TCF4: variants seen among roughly 807,000 people sequenced by gnomAD.
The protein encoded by TCF4 is transcription factor 4.
TCF4 carries 3 observed loss-of-function variants against 82.1 expected under a neutral mutation model. The observed-to-expected ratio is 0.04, with a 90% CI of 0.02 to 0.09. The LOEUF is 0.09. Among genes scored for constraint, TCF4 ranks in the 10% least tolerant of loss-of-function variants. TCF4 has a pLI of 1.00. For synonymous variants in TCF4, 276 were observed against 309.6 expected (o/e 0.89, Z 1.14); for missense variants, 518 against 852.7 (o/e 0.61, Z 4.89).
intron 8 of TCF4, among the ~76,000 whole-genome samples, chr18:55,330,997 G>T (rs950706704): frequency 1.3e-5 from 2 of 152,150 alleles, no homozygotes; most frequent in Non-Finnish European, 2.9e-5. Flanking sequence ...CCTAACTTCT[G>T]TGTTTATGTT....
intron 6 of TCF4, among the ~76,000 whole-genome samples, chr18:55,367,530 G>A (rs184024893): frequency 1.3e-5 from 2 of 152,206 alleles, no homozygotes; most frequent in East Asian, 3.8e-4. Context: ...GAGTGCCTAT[G>A]ATGTCTTTAG....
At chr18:55,593,479 T>C (rs188069128), upstream of TCF4, among the ~76,000 whole-genome samples, 1,018 of 152,154 alleles carry the variant, frequency 6.7e-3, 5 homozygotes, top group Middle Eastern at 0.02. Flanking sequence ...ACTGGATTCA[T>C]AGACAAAAAA....
chr18:55,266,485 C>T lies in TCF4; in HGVS notation c.922+3346G>A, dbSNP rs189078834. On this transcript the variant is annotated intron_variant, in intron 11 of 19. Transcript: ENST00000354452. ...CTGTGAATCCATGCTGTGTCCCATACATTATATTCCTCTAATTGGAGGGCT... is the reference window on the plus strand; with the variant it reads ...CTGTGAATCCATGCTGTGTCCCATATATTATATTCCTCTAATTGGAGGGCT... 31 of 152,258 alleles carry T rather than the reference C, an allele frequency of 2.0e-4. No homozygotes were observed. The East Asian group carries it at 2.9e-3, about 14-fold the overall frequency. 9.4% of individuals were successfully genotyped at this position (152,258 alleles called of 1,614,324 possible). A position where few individuals can be genotyped will look rare whatever the true frequency, so the allele number is the denominator to read the frequency against.
At chr18:55,262,637 ATGTGT>A (rs2145760139) in intron 11 of TCF4, among the ~76,000 whole-genome samples, 1 of 152,280 alleles carries the variant, frequency 6.6e-6, no homozygotes, top group African/African-American at 2.4e-5. Flanking sequence ...TTTCTTACAA[ATGTGT>A]TGTCATCACC....
At chr18:55,433,392 G>C (rs2095254373) in intron 5 of TCF4, among the ~76,000 whole-genome samples, 1 of 152,212 alleles carries the variant, frequency 6.6e-6, no homozygotes, top group Admixed American at 6.5e-5. Context: ...CCCAGATTAG[G>C]ATAATATCAA....
chr18:55,456,467 A>AGGGT (rs1474683302), intron 5 of TCF4, among the ~76,000 whole-genome samples: 2 of 152,342 alleles, frequency 1.3e-5, no homozygotes, highest in East Asian at 3.9e-4. Context: ...AATGTACAAA[A>AGGGT]GTATCGCTTT....
At chr18:55,568,685 C>T (rs2097431753) in intron 3 of TCF4, among the ~76,000 whole-genome samples, 1 of 152,080 alleles carries the variant, frequency 6.6e-6, no homozygotes, top group African/African-American at 2.4e-5. Context: ...TTTCAAAGAA[C>T]AGATTGTTTC....
At chr18:55,498,960 C>T (rs1777804010) in intron 3 of TCF4, among the ~76,000 whole-genome samples, 2 of 152,142 alleles carry the variant, frequency 1.3e-5, no homozygotes. Context: ...ATCCAGAATA[C>T]AAGATTACAC....
intron 3 of TCF4, among the ~76,000 whole-genome samples, chr18:55,518,361 C>T (rs931819778): frequency 6.6e-6 from 1 of 151,984 alleles, no homozygotes; most frequent in African/African-American, 2.4e-5. Flanking sequence ...ATAAAAACTG[C>T]ATATTAGAAA....
intron 3 of TCF4, among the ~76,000 whole-genome samples, chr18:55,501,782 TC>T (rs1366972746): frequency 1.3e-5 from 2 of 152,170 alleles, no homozygotes; most frequent in East Asian, 3.9e-4. Flanking sequence ...CTGCTTTGAT[TC>T]CACCGCATCC....
upstream of TCF4, chr18:55,588,214 G>A: frequency 1.5e-6 from 2 of 1,332,154 alleles, no homozygotes; most frequent in Non-Finnish European, 1.9e-6. Context: ...CAAGATCCCT[G>A]ACTCTTAACA....
At chr18:55,569,150 A>C (rs901135334) in intron 3 of TCF4, among the ~76,000 whole-genome samples, 6 of 152,028 alleles carry the variant, frequency 3.9e-5, no homozygotes, top group African/African-American at 1.4e-4. Context: ...ATAAGACAAG[A>C]TAATCAGTAT....
chr18:55,588,498 A>G (rs911329184), upstream of TCF4: 44 of 1,535,260 alleles, frequency 2.9e-5, no homozygotes, highest in East Asian at 5.6e-4. Context: ...GTCAGTTACA[A>G]TCTGAAGCCT....
intron 8 of TCF4, chr18:55,302,671 T>G (rs984071417): frequency 6.9e-7 from 1 of 1,440,446 alleles, no homozygotes; most frequent in East Asian, 2.5e-5. Context: ...GGCCTAGGGG[T>G]GGGAGGGCCT....
At chr18:55,237,624 C>G (rs1054569589) in intron 15 of TCF4, among the ~76,000 whole-genome samples, 6 of 51,420 alleles carry the variant, frequency 1.2e-4, no homozygotes, top group Admixed American at 2.7e-4. Context: ...CGCCCACCAC[C>G]ACGCCGGCTA....
intron 3 of TCF4, among the ~76,000 whole-genome samples, chr18:55,500,165 G>A (rs559720175): frequency 6.6e-6 from 1 of 152,266 alleles, no homozygotes; most frequent in East Asian, 1.9e-4. Context: ...CTGGGCGACA[G>A]AGGGAGACTT....
chr18:55,245,084 A>G (rs1324370444), intron 15 of TCF4, among the ~76,000 whole-genome samples: 1 of 152,218 alleles, frequency 6.6e-6, no homozygotes, highest in African/African-American at 2.4e-5. Context: ...ATTATGCACA[A>G]CTGTGAATGT....
intron 3 of TCF4, among the ~76,000 whole-genome samples, chr18:55,525,582 T>G (rs1473330225): frequency 6.6e-6 from 1 of 152,200 alleles, no homozygotes; most frequent in African/African-American, 2.4e-5. Flanking sequence ...CATTAAAAAC[T>G]GAGTTTCAAA....
chr18:55,271,084 C>G (rs990439459), intron 10 of TCF4, among the ~76,000 whole-genome samples: 1 of 151,986 alleles, frequency 6.6e-6, no homozygotes, highest in Non-Finnish European at 1.5e-5. Flanking sequence ...CATTTGCTCA[C>G]GAGGAATGAA....
Sources: allele counts gnomAD v4.1 joint callset (sites outside exome capture counted in the v4.1 genomes callset), GRCh38; gene constraint gnomAD v4.1.1; transcripts MANE v1.5; gene names NCBI Gene and HGNC (gene_info 2026-07-23, HGNC 2026-07-21).